PCDH18: variants seen among roughly 807,000 people sequenced by gnomAD.
PCDH18 encodes the protein protocadherin 18, also known as protocadherin-18.
A neutral mutation model predicts 71.5 loss-of-function variants in PCDH18; 38 were observed. The observed-to-expected ratio is 0.53, with a 90% CI of 0.41 to 0.70. The LOEUF (loss-of-function observed/expected upper bound fraction) is 0.70. PCDH18 is among the 30% of genes least tolerant of loss of function. The pLI is 0.00. For synonymous variants in PCDH18, 565 were observed against 505.4 expected (o/e 1.12, Z -1.58); for missense variants, 1,334 against 1,384.6 (o/e 0.96, Z 0.58).
Position 137,521,326 on chromosome 4 carries a change from G to A in PCDH18, c.3111C>T (p.Arg1037=), listed in dbSNP as rs1234851910. The stretch of plus-strand genomic sequence containing the variant: ...TTTTGGCTGGCAAGGGTCCCTTCCT[G>A]CGCTCCAGGGAGTTGGACCGATCCA... ...SEVDRSNSLE[R]RKGPLPAKTV... Residue 1037 remains arginine (R), a synonymous_variant, in exon 4 of 4, where the codon CGC becomes CGT. Transcript: ENST00000344876. 2 of 1,614,130 alleles carry A rather than the reference G, an allele frequency of 1.2e-6. No individual in the cohort carries two copies. Among genetic ancestry groups the A allele is most frequent in the Non-Finnish European group, 1.7e-6 (2 of 1,180,016 alleles).
rs1026538973 is a variant in PCDH18 at position 137,530,645 on chromosome 4, C to A, written c.1444G>T (p.Ala482Ser). 4 of 1,613,604 alleles carry A rather than the reference C, an allele frequency of 2.5e-6. No individual in the cohort carries two copies. The highest frequency in any genetic ancestry group is 2.5e-6 in the Non-Finnish European group (3 of 1,179,850). ...FVISENNSPG[A>S]YITTVTATDP... ...GTGGCTGTAACAGTGGTGATATATG[C>A]CCCTGGTGAGTTATTTTCTGAAATT... Residue 482 changes from alanine (A) to serine (S), a missense_variant, in exon 1 of 4, where the codon GCA (alanine) becomes TCA (serine). This residue lies in a region of PCDH18 where 1,011 missense variants were observed against 1,048.0 expected (regional missense o/e 0.96). Transcript: ENST00000344876.
In PCDH18 at chr4:137,531,818, T is replaced by C. The variant is rs761119644; in HGVS notation, c.271A>G (p.Thr91Ala). 59 of 1,614,054 alleles carry C rather than the reference T, an allele frequency of 3.7e-5. No individual in the cohort carries two copies. The highest frequency in any genetic ancestry group is 4.9e-5 in the Non-Finnish European group (58 of 1,180,016). Residue 91 changes from threonine to alanine, a missense_variant, in exon 1 of 4, where the codon ACA becomes GCA. Thr to Ala is a moderately conservative substitution (Grantham distance 58, BLOSUM62 0). Transcript: ENST00000344876. ...TGGCACAGTTGTTCACGGTCAATTG[T>C]AGCCCCTATGCTGATTTCCCCATTA... ...EDNGEISIGA[T>A]IDREQLCQKN...
At chr4:137,525,022 G>A (rs1485019035) in intron 3 of PCDH18, among the ~76,000 whole-genome samples, 5 of 152,048 alleles carry the variant, frequency 3.3e-5, no homozygotes, top group African/African-American at 7.2e-5. Context: ...AATCAGAGAC[G>A]ACAGACTGAT....
chr4:137,523,508 C>G (rs1731362821), intron 3 of PCDH18, among the ~76,000 whole-genome samples: 1 of 151,862 alleles, frequency 6.6e-6, no homozygotes, highest in Non-Finnish European at 1.5e-5. Context: ...AGACCTGTCT[C>G]TATTGTCTTA....
chr4:137,527,452 G>A (rs1311943064), intron 3 of PCDH18, among the ~76,000 whole-genome samples: 1 of 151,966 alleles, frequency 6.6e-6, no homozygotes, highest in East Asian at 1.9e-4. Flanking sequence ...ATTAACAGTT[G>A]GTTGAATCTA....
At chr4:137,524,694 G>A (rs1731395712) in intron 3 of PCDH18, among the ~76,000 whole-genome samples, 1 of 152,160 alleles carries the variant, frequency 6.6e-6, no homozygotes, top group Admixed American at 6.5e-5. Context: ...GGCAACATAT[G>A]AGAGTTAATA....
chr4:137,527,372 ATTG>A (rs1235107248), intron 3 of PCDH18, among the ~76,000 whole-genome samples: 1 of 145,998 alleles, frequency 6.8e-6, no homozygotes, highest in African/African-American at 2.5e-5. Context: ...GTTATACTGT[ATTG>A]TTTTTTATTT....
intron 3 of PCDH18, among the ~76,000 whole-genome samples, chr4:137,527,910 A>G (rs1731526807): frequency 6.6e-6 from 1 of 152,160 alleles, no homozygotes; most frequent in African/African-American, 2.4e-5. Context: ...CTCTTCTACT[A>G]TAGCAAAATG....
chr4:137,525,655 T>C (rs757015127), intron 3 of PCDH18, among the ~76,000 whole-genome samples: 3 of 152,142 alleles, frequency 2.0e-5, no homozygotes, highest in Non-Finnish European at 4.4e-5. Context: ...GAATATACTT[T>C]GCGGACCATT....
intron 2 of PCDH18, 23 bp from the exon 3 acceptor site, chr4:137,528,664 A>G (rs1483046875): frequency 6.2e-7 from 1 of 1,613,016 alleles, no homozygotes; most frequent in Non-Finnish European, 8.5e-7. Context: ...ATCACAAAAA[A>G]AAATTACAGT....
chr4:137,525,667 G>A (rs1308780010), intron 3 of PCDH18, among the ~76,000 whole-genome samples: 1 of 152,110 alleles, frequency 6.6e-6, no homozygotes, highest in East Asian at 1.9e-4. Flanking sequence ...CGGACCATTG[G>A]TGACTTCCTG....
At position 137,530,885 on chromosome 4, in the gene PCDH18, G is replaced by T. The variant is rs761491835; in HGVS notation, c.1204C>A (p.His402Asn). The change falls in exon 1 of 4, where the codon CAT (histidine) becomes AAT (asparagine). Residue 402 changes from histidine to asparagine, a missense_variant. Coordinates refer to ENST00000344876, the MANE Select transcript of PCDH18 (RefSeq NM_019035.5). ...GTCTTCTGAAGTTTAAAGTGACCAT[G>T]TCCATGAAGCTTACAAACTATTTCT... ...NGEIVCKLHG[H>N]GHFKLQKTYE... 1 of 1,611,694 alleles carries T rather than the reference G, an allele frequency of 6.2e-7. No individual in the cohort carries two copies. The highest frequency in any genetic ancestry group is 2.2e-5 in the East Asian group (1 of 44,864).
At chr4:137,528,378 G>C in intron 3 of PCDH18, 100 bp downstream of exon 3, 1 of 895,046 alleles carries the variant, frequency 1.1e-6, no homozygotes, top group South Asian at 1.6e-5. Flanking sequence ...TTTAGTGCAA[G>C]GGACAAATAA....
chr4:137,522,354 A>T lies in PCDH18; in HGVS notation c.2741-658T>A, dbSNP rs1197362810. Reference sequence around the variant, plus strand: ...AATATGTGAAAAATGTCATCAAAAGATGAAGAATATGAAAAATCCATTCCT... The same window carrying T: ...AATATGTGAAAAATGTCATCAAAAGTTGAAGAATATGAAAAATCCATTCCT... On this transcript the variant is annotated intron_variant, in intron 3 of 3. Coordinates refer to ENST00000344876, the MANE Select transcript of PCDH18 (RefSeq NM_019035.5). Among the ~76,000 whole-genome samples the T allele has an allele frequency of 2.0e-5, 3 of 152,306 alleles. No homozygotes were observed. In the East Asian group the frequency reaches 5.8e-4, roughly 29 times the overall value.
rs1731267721 is a variant in PCDH18, at chr4:137,520,879, C to G, written c.*150G>C. On this transcript the variant is annotated 3_prime_UTR_variant, in exon 4 of 4. Transcript: ENST00000344876. Reference sequence around the variant, plus strand: ...TAATCACACTTGCATTGTGTACATACGAAAATACAGTATTTAATATTCAAT... The same window carrying G: ...TAATCACACTTGCATTGTGTACATAGGAAAATACAGTATTTAATATTCAAT... 1 of 568,704 alleles carries G rather than the reference C, an allele frequency of 1.8e-6. No individual in the cohort carries two copies. Among genetic ancestry groups the G allele is most frequent in the Non-Finnish European group, 3.1e-6 (1 of 321,800 alleles). The allele number at this position is 568,704 out of a possible 1,614,324, so 35.2% of individuals were successfully genotyped here.
In PCDH18 at chr4:137,520,454, C is replaced by G. The variant is rs1354159798; in HGVS notation, c.*575G>C. 6.6e-6 allele frequency: 1 copy of G among 152,194 alleles called. No homozygotes were observed. Among genetic ancestry groups the G allele is most frequent in the African/African-American group, 2.4e-5 (1 of 41,412 alleles). 9.4% of individuals were successfully genotyped at this position (152,194 alleles called of 1,614,324 possible). A position where few individuals can be genotyped will look rare whatever the true frequency, so the allele number is the denominator to read the frequency against. On this transcript the variant is annotated 3_prime_UTR_variant, in exon 4 of 4. Transcript: ENST00000344876. Reference sequence around the variant, plus strand: ...AATAACCTTCAAGATATTTCTCAGTCCTGAAATAAACTTTCACTTTATCTT... The same window carrying G: ...AATAACCTTCAAGATATTTCTCAGTGCTGAAATAAACTTTCACTTTATCTT...
At chr4:137,522,472 A>G (rs1401208803) in intron 3 of PCDH18, among the ~76,000 whole-genome samples, 1 of 152,198 alleles carries the variant, frequency 6.6e-6, no homozygotes, top group Non-Finnish European at 1.5e-5. Flanking sequence ...GCAGGAAAAT[A>G]AAGAGGAAAA....
intron 3 of PCDH18, among the ~76,000 whole-genome samples, chr4:137,527,936 T>C (rs1578745217): frequency 6.6e-6 from 1 of 152,154 alleles, no homozygotes; most frequent in African/African-American, 2.4e-5. Context: ...TTGGCAAAAA[T>C]ATTCTGTGCT....
intron 3 of PCDH18, 155 bp from the exon 4 acceptor site, chr4:137,521,851 T>G: frequency 1.6e-6 from 1 of 624,766 alleles, no homozygotes; most frequent in Non-Finnish European, 2.7e-6. Context: ...GGACTACAAT[T>G]ATGGCTTTAA....
Sources: allele counts gnomAD v4.1 joint callset (sites outside exome capture counted in the v4.1 genomes callset), GRCh38; gene constraint gnomAD v4.1.1; regional missense constraint gnomAD v4.1.1; transcripts MANE v1.5; gene names NCBI Gene and HGNC (gene_info 2026-07-23, HGNC 2026-07-21).